The following PDE10A variants were observed in gnomAD, a reference collection of about 807,000 sequenced individuals.
PDE10A encodes the protein cAMP and cAMP-inhibited cGMP 3',5'-cyclic phosphodiesterase 10A.
A neutral mutation model predicts 97.7 loss-of-function variants in PDE10A; 39 were observed. The ratio of observed to expected loss-of-function variants is 0.40; its 90% CI spans 0.31 to 0.52. PDE10A has a LOEUF of 0.52. PDE10A is among the 20% of genes least tolerant of loss of function. The pLI, the probability that PDE10A is intolerant of heterozygous loss-of-function variation, is 0.56. For missense variants in PDE10A, 731 were observed against 1,047.8 expected, an observed-to-expected ratio of 0.70 and a Z score of 4.17; for synonymous variants, 371 against 376.8, an observed-to-expected ratio of 0.98 and a Z score of 0.18.
intron 2 of PDE10A, among the ~76,000 whole-genome samples, chr6:165,501,818 T>G (rs892920965): frequency 2.0e-5 from 3 of 152,188 alleles, no homozygotes; most frequent in Non-Finnish European, 2.9e-5. Flanking sequence ...ATATATATGG[T>G]AATGCAAATG....
rs55830575 is a variant in PDE10A, at chr6:165,693,528, C to CAAAAA, written c.-614-149965_-614-149961dup. On this transcript the variant is annotated intron_variant, in intron 1 of 19. Transcript: ENST00000366882. Reference sequence around the variant, plus strand: ...CTTGGGCGGCAGAGGGAGGCTCCACCAAAAAAAAAAAAAAAAAAAAAAAAC... The same window carrying CAAAAA: ...CTTGGGCGGCAGAGGGAGGCTCCACCAAAAAAAAAAAAAAAAAAAAAAAAAAAAAC... Among the ~76,000 whole-genome samples, 237 of 56,638 alleles carry CAAAAA rather than the reference C, an allele frequency of 4.2e-3. 9 individuals are homozygous for CAAAAA. The highest frequency in any genetic ancestry group is 5.6e-3 in the Non-Finnish European group (172 of 30,506). The allele number at this position is 56,638 out of a possible 152,430, so 37.2% of individuals were successfully genotyped here. A position where few individuals can be genotyped will look rare whatever the true frequency, so the allele number is the denominator to read the frequency against.
At chr6:165,509,586 A>AT (rs200474367) in intron 2 of PDE10A, among the ~76,000 whole-genome samples, 33,764 of 147,034 alleles carry the variant, frequency 0.23, 3,977 homozygotes, top group African/African-American at 0.32. Context: ...AAATTTCAGG[A>AT]TTTTTTTTTT....
intron 1 of PDE10A, among the ~76,000 whole-genome samples, chr6:165,954,854 C>T (rs1419874094): frequency 2.6e-5 from 4 of 151,982 alleles, no homozygotes; most frequent in Non-Finnish European, 4.4e-5. Flanking sequence ...TTTCTTTCTT[C>T]AAAGTTCACA....
At chr6:165,695,459 C>A (rs540662891) in intron 1 of PDE10A, among the ~76,000 whole-genome samples, 1 of 152,292 alleles carries the variant, frequency 6.6e-6, no homozygotes, top group African/African-American at 2.4e-5. Flanking sequence ...CCCCAGCACC[C>A]AGCTGGAGGA....
intron 1 of PDE10A, among the ~76,000 whole-genome samples, chr6:165,653,025 C>T (rs1308673684): frequency 6.6e-6 from 1 of 152,172 alleles, no homozygotes; most frequent in Non-Finnish European, 1.5e-5. Context: ...CCCTGGGTCA[C>T]TGGTGCCAAC....
intron 5 of PDE10A, among the ~76,000 whole-genome samples, chr6:165,445,456 G>A (rs981993026): frequency 2.0e-5 from 3 of 152,284 alleles, no homozygotes; most frequent in East Asian, 3.9e-4. Context: ...AAAGCCACAC[G>A]GAGATTGAGA....
intron 1 of PDE10A, among the ~76,000 whole-genome samples, chr6:165,634,457 T>C (rs1216592254): frequency 6.6e-6 from 1 of 152,168 alleles, no homozygotes; most frequent in Admixed American, 6.5e-5. Context: ...AGGATTGTAT[T>C]CGATACCAAA....
intron 1 of PDE10A, among the ~76,000 whole-genome samples, chr6:165,831,350 C>T (rs558436694): frequency 9.8e-5 from 9 of 91,718 alleles, no homozygotes; most frequent in Non-Finnish European, 1.5e-4. Context: ...CCAGCCTGGG[C>T]GAGAGAGCGA....
intron 1 of PDE10A, among the ~76,000 whole-genome samples, chr6:165,787,479 G>A (rs1346059652): frequency 6.6e-6 from 1 of 152,126 alleles, no homozygotes; most frequent in Non-Finnish European, 1.5e-5. Context: ...CAATTGGATG[G>A]GGACAGAGCA....
chr6:165,338,699 A>C (rs192435429), intron 20 of PDE10A, among the ~76,000 whole-genome samples: 153 of 152,348 alleles, frequency 1.0e-3, no homozygotes, highest in African/African-American at 3.4e-3. Context: ...GTTAAAAATA[A>C]AACAATTCAA....
At chr6:165,526,265 T>C (rs970321202) in intron 2 of PDE10A, among the ~76,000 whole-genome samples, 2 of 152,182 alleles carry the variant, frequency 1.3e-5, no homozygotes, top group African/African-American at 4.8e-5. Context: ...TAGGGGCTTA[T>C]GGAGGTCAGG....
intron 1 of PDE10A, among the ~76,000 whole-genome samples, chr6:165,923,439 C>T (rs1200073151): frequency 1.3e-5 from 2 of 152,172 alleles, no homozygotes; most frequent in African/African-American, 4.8e-5. Context: ...TTGACAGCAC[C>T]GTCGATATGT....
intron 2 of PDE10A, among the ~76,000 whole-genome samples, chr6:165,501,957 A>C (rs1386723309): frequency 6.6e-6 from 1 of 152,252 alleles, no homozygotes. Context: ...CATGTAAATC[A>C]ACGAACCAAA....
At chr6:165,842,926 C>A (rs1780300538) in intron 1 of PDE10A, among the ~76,000 whole-genome samples, 1 of 152,224 alleles carries the variant, frequency 6.6e-6, no homozygotes, top group Non-Finnish European at 1.5e-5. Context: ...CTCAATAAAA[C>A]TGGAATCACA....
chr6:165,356,517 C>G (rs1027479835), intron 18 of PDE10A, among the ~76,000 whole-genome samples: 1 of 151,890 alleles, frequency 6.6e-6, no homozygotes. Flanking sequence ...CTTAAAGGTA[C>G]CTTTTAAGGA....
intron 5 of PDE10A, among the ~76,000 whole-genome samples, chr6:165,447,229 C>G (rs1471509702): frequency 6.6e-6 from 1 of 152,236 alleles, no homozygotes; most frequent in African/African-American, 2.4e-5. Flanking sequence ...CTGCACCTCT[C>G]AGTCTCTGCC....
intron 1 of PDE10A, among the ~76,000 whole-genome samples, chr6:165,778,679 C>T (rs376507105): frequency 5.3e-5 from 8 of 152,304 alleles, no homozygotes; most frequent in East Asian, 3.9e-4. Flanking sequence ...CCATCAATAA[C>T]GGGTAAGGAT....
chr6:165,741,370 T>G (rs1013454800), intron 1 of PDE10A, among the ~76,000 whole-genome samples: 5 of 152,196 alleles, frequency 3.3e-5, no homozygotes, highest in Non-Finnish European at 4.4e-5. Context: ...CTTATTATTA[T>G]TACAATTATG....
At chr6:165,932,996 G>T (rs977910214) in intron 1 of PDE10A, among the ~76,000 whole-genome samples, 1 of 152,188 alleles carries the variant, frequency 6.6e-6, no homozygotes, top group Non-Finnish European at 1.5e-5. Context: ...TCCTGAGAGA[G>T]GCCTCTCCCC....
Sources: allele counts gnomAD v4.1 joint callset (sites outside exome capture counted in the v4.1 genomes callset), GRCh38; gene constraint gnomAD v4.1.1; transcripts MANE v1.5; gene names NCBI Gene and HGNC (gene_info 2026-07-23, HGNC 2026-07-21).